The following FANK1 variants were observed in gnomAD, a reference collection of about 807,000 sequenced individuals.
FANK1 encodes the protein fibronectin type III and ankyrin repeat domains 1, also known as fibronectin type 3 and ankyrin repeat domains protein 1.
FANK1 carries 44 observed loss-of-function variants against 45.3 expected under a neutral mutation model. That is an observed-to-expected ratio of 0.97 (90% CI 0.76 to 1.25). The LOEUF is 1.25. Among genes scored for constraint, FANK1 ranks in the 50% most tolerant of loss-of-function variants. The probability of loss-of-function intolerance (pLI) is 0.00; values close to 1 mark genes in which losing one functional copy is unlikely to be tolerated. For missense variants in FANK1, 391 were observed against 424.4 expected (o/e 0.92, Z 0.69); for synonymous variants, 149 against 152.5 (o/e 0.98, Z 0.17).
chr10:125,954,328 G>A (rs568375008), intron 1 of FANK1, among the ~76,000 whole-genome samples: 2 of 152,270 alleles, frequency 1.3e-5, no homozygotes, highest in East Asian at 3.9e-4. Context: ...AGTAGGGAAC[G>A]AAGAGCAAGG....
intron 1 of FANK1, among the ~76,000 whole-genome samples, chr10:125,928,800 T>A (rs530896035): frequency 6.6e-6 from 1 of 152,336 alleles, no homozygotes; most frequent in East Asian, 1.9e-4. Context: ...TAGCTTTCTA[T>A]TGGGTTACCT....
intron 1 of FANK1, among the ~76,000 whole-genome samples, chr10:125,908,051 C>T (rs1225003511): frequency 6.8e-6 from 1 of 146,800 alleles, no homozygotes; most frequent in Non-Finnish European, 1.5e-5. Context: ...GGCTGGAGTG[C>T]AGTGGTGCGC....
chr10:125,958,631 C>G (rs1564913870), intron 1 of FANK1, among the ~76,000 whole-genome samples: 1 of 152,166 alleles, frequency 6.6e-6, no homozygotes, highest in African/African-American at 2.4e-5. Flanking sequence ...TCCCTTTTCT[C>G]TACATCCTCA....
At chr10:125,930,219 A>G (rs185161734) in intron 1 of FANK1, among the ~76,000 whole-genome samples, 39 of 151,102 alleles carry the variant, frequency 2.6e-4, no homozygotes, top group African/African-American at 8.3e-4. Flanking sequence ...ATTTTTGTAT[A>G]TTTAATAGAG....
intron 7 of FANK1, among the ~76,000 whole-genome samples, chr10:126,005,864 C>T (rs1274340098): frequency 6.6e-6 from 1 of 152,154 alleles, no homozygotes; most frequent in Admixed American, 6.6e-5. Flanking sequence ...CATTTCAGTT[C>T]TTTGCATCTT....
intron 1 of FANK1, among the ~76,000 whole-genome samples, chr10:125,943,592 T>A (rs750584572): frequency 2.6e-5 from 4 of 152,236 alleles, no homozygotes; most frequent in Non-Finnish European, 5.9e-5. Flanking sequence ...ATACAATATG[T>A]GACCGTTTGT....
intron 7 of FANK1, among the ~76,000 whole-genome samples, chr10:126,005,515 C>T (rs1953128653): frequency 6.6e-6 from 1 of 152,014 alleles, no homozygotes; most frequent in Admixed American, 6.6e-5. Flanking sequence ...ACCATGTTGG[C>T]CAGGCTGGTC....
intron 1 of FANK1, among the ~76,000 whole-genome samples, chr10:125,924,821 A>AT (rs1450943342): frequency 1.4e-4 from 21 of 151,800 alleles, no homozygotes; most frequent in African/African-American, 4.1e-4. Context: ...AAAAAAAAAA[A>AT]AAAAAAAGAC....
Position 125,989,330 on chromosome 10 carries a change from C to A in FANK1, c.316+655C>A, listed in dbSNP as rs1012794424. On this transcript the variant is annotated intron_variant, in intron 3 of 10. Coordinates refer to ENST00000368693, the MANE Select transcript of FANK1 (RefSeq NM_145235.5). The stretch of plus-strand genomic sequence containing the variant: ...AAAAATTAGGATGGTCACAAGTGTT[C>A]TCCACGGCCCACCCACTGAAAACAC... 1.4e-5 allele frequency: 22 copies of A among 1,550,990 alleles called. No individual in the cohort carries two copies. In the African/African-American group the frequency reaches 2.6e-4, roughly 18 times the overall value.
At chr10:125,961,168 A>G (rs992927719) in intron 1 of FANK1, among the ~76,000 whole-genome samples, 2 of 152,182 alleles carry the variant, frequency 1.3e-5, no homozygotes, top group African/African-American at 2.4e-5. Context: ...GTGCAATGGC[A>G]TGATCATGGC....
chr10:125,899,296 G>A (rs1036435172), intron 1 of FANK1, among the ~76,000 whole-genome samples: 12 of 152,182 alleles, frequency 7.9e-5, no homozygotes, highest in Non-Finnish European at 1.5e-5. Flanking sequence ...CTAACTTCAG[G>A]TGATCCTCCC....
chr10:125,976,862 A>T (rs1950886644), intron 1 of FANK1, among the ~76,000 whole-genome samples: 1 of 152,126 alleles, frequency 6.6e-6, no homozygotes, highest in South Asian at 2.1e-4. Context: ...ACCTCAGGCA[A>T]TCCATCTGCC....
intron 1 of FANK1, chr10:125,972,666 T>G (rs541549097): frequency 1.3e-4 from 20 of 152,266 alleles, no homozygotes; most frequent in African/African-American, 4.8e-4. Context: ...TAAGTGGAGA[T>G]TTACATCTTG....
chr10:125,922,964 T>C (rs1240781115), intron 1 of FANK1, among the ~76,000 whole-genome samples: 1 of 152,096 alleles, frequency 6.6e-6, no homozygotes, highest in Non-Finnish European at 1.5e-5. Flanking sequence ...TTTTATTCTC[T>C]CAGTTTGTGT....
chr10:125,975,902 T>C (rs766128218), intron 1 of FANK1, among the ~76,000 whole-genome samples: 3 of 152,204 alleles, frequency 2.0e-5, no homozygotes, highest in Non-Finnish European at 4.4e-5. Context: ...GGCTTGTTTG[T>C]GTGGTTGCTT....
chr10:125,949,169 A>G (rs1361547117), intron 1 of FANK1, among the ~76,000 whole-genome samples: 3 of 151,898 alleles, frequency 2.0e-5, no homozygotes, highest in South Asian at 4.2e-4. Context: ...ATCATACTGA[A>G]TGGGCAAAAA....
At chr10:125,952,305 T>G (rs921901190) in intron 1 of FANK1, among the ~76,000 whole-genome samples, 8 of 152,174 alleles carry the variant, frequency 5.3e-5, no homozygotes, top group African/African-American at 1.9e-4. Context: ...AGAACCAAAT[T>G]CTCTGCTTAA....
At chr10:126,005,552 C>T (rs1953132682) in intron 7 of FANK1, among the ~76,000 whole-genome samples, 1 of 152,148 alleles carries the variant, frequency 6.6e-6, no homozygotes. Flanking sequence ...AAGTGATCCA[C>T]CCACCTCAGC....
chr10:126,004,641 T>G, intron 6 of FANK1: 1 of 443,510 alleles, frequency 2.3e-6, no homozygotes, highest in South Asian at 2.7e-5. Context: ...ATGGCTGGCA[T>G]CTTTCAGCAC....
Sources: allele counts gnomAD v4.1 joint callset (sites outside exome capture counted in the v4.1 genomes callset), GRCh38; gene constraint gnomAD v4.1.1; transcripts MANE v1.5; gene names NCBI Gene and HGNC (gene_info 2026-07-23, HGNC 2026-07-21).